The following BBS9 variants were observed in gnomAD, a reference collection of about 807,000 sequenced individuals.
BBS9 encodes the protein protein PTHB1.
BBS9 carries 89 observed loss-of-function variants against 117.7 expected under a neutral mutation model. The observed-to-expected ratio is 0.76, with a 90% CI of 0.64 to 0.90. The LOEUF is 0.90. Ranked by LOEUF, BBS9 falls within the 40% of genes least tolerant of loss-of-function variation. The pLI, the probability that BBS9 is intolerant of heterozygous loss-of-function variation, is 0.00. For synonymous variants in BBS9, 379 were observed against 370.9 expected, an observed-to-expected ratio of 1.02 and a Z score of -0.25; for missense variants, 982 against 1,042.2, an observed-to-expected ratio of 0.94 and a Z score of 0.80.
intron 19 of BBS9, among the ~76,000 whole-genome samples, chr7:33,393,476 T>C (rs1333056650): frequency 1.3e-5 from 2 of 152,180 alleles, no homozygotes; most frequent in African/African-American, 2.4e-5. Context: ...TGTATTTTTA[T>C]TTTGCTCTGG....
intron 5 of BBS9, among the ~76,000 whole-genome samples, chr7:33,196,211 A>G (rs1391950453): frequency 6.6e-6 from 1 of 152,148 alleles, no homozygotes; most frequent in Admixed American, 6.5e-5. Context: ...AAATTAAAAA[A>G]AAAGCATCCT....
rs182310013 is a variant in BBS9, at chr7:33,511,720, A to T, written c.2298+6075A>T. Among the ~76,000 whole-genome samples, 167 of 152,326 alleles carry T rather than the reference A, an allele frequency of 1.1e-3. 1 individual carries two copies. Among genetic ancestry groups the T allele is most frequent in the Middle Eastern group, 3.4e-3 (1 of 294 alleles). On this transcript the variant is annotated intron_variant, in intron 20 of 22. Coordinates refer to ENST00000242067, the MANE Select transcript of BBS9 (RefSeq NM_198428.3). ...TTATCCCTTTTACAAACTGATATGG[A>T]AAGAGAAACTTATTTATAACATGTT...
intron 19 of BBS9, among the ~76,000 whole-genome samples, chr7:33,504,453 GC>G (rs1300053696): frequency 1.3e-5 from 2 of 152,080 alleles, no homozygotes; most frequent in African/African-American, 4.8e-5. Context: ...TTTTTAAAAA[GC>G]CCTTTGGGCC....
chr7:33,268,425 C>T (rs890478944), intron 7 of BBS9, among the ~76,000 whole-genome samples: 1 of 152,228 alleles, frequency 6.6e-6, no homozygotes, highest in African/African-American at 2.4e-5. Context: ...CTAGGTTCTT[C>T]TTCCCTGCAC....
intron 7 of BBS9, among the ~76,000 whole-genome samples, chr7:33,269,375 G>C (rs548221259): frequency 1.3e-5 from 2 of 152,198 alleles, no homozygotes; most frequent in East Asian, 3.9e-4. Flanking sequence ...ATGCCTGTCA[G>C]GGACCCTGGC....
intron 19 of BBS9, among the ~76,000 whole-genome samples, chr7:33,437,261 C>A (rs1835430866): frequency 6.6e-6 from 1 of 152,184 alleles, no homozygotes; most frequent in South Asian, 2.1e-4. Context: ...TCTTTGGAGT[C>A]AGAGCATGGC....
At chr7:33,537,557 T>G (rs529281450) in intron 21 of BBS9, among the ~76,000 whole-genome samples, 77 of 152,334 alleles carry the variant, frequency 5.1e-4, no homozygotes, top group Middle Eastern at 3.4e-3. Context: ...TCGTTAAATA[T>G]CTATTTTCCA....
chr7:33,490,687 T>C (rs1296221627), intron 19 of BBS9, among the ~76,000 whole-genome samples: 2 of 152,218 alleles, frequency 1.3e-5, no homozygotes, highest in African/African-American at 4.8e-5. Context: ...TTTGAAGAGA[T>C]TGAATAAACA....
intron 21 of BBS9, among the ~76,000 whole-genome samples, chr7:33,584,140 G>C (rs1163192494): frequency 6.6e-6 from 1 of 151,996 alleles, no homozygotes; most frequent in Non-Finnish European, 1.5e-5. Context: ...TTAATGCAGA[G>C]AGAAATGATC....
chr7:33,294,359 GTCCATCCATCCATCCA>G lies in BBS9; in HGVS notation c.1016+20432_1016+20447del, dbSNP rs111245225. Among the ~76,000 whole-genome samples, 607 of 139,808 alleles carry G rather than the reference GTCCATCCATCCATCCA, an allele frequency of 4.3e-3. 3 individuals carry two copies. Among genetic ancestry groups the G allele is most frequent in the Non-Finnish European group, 7.1e-3 (458 of 64,370 alleles). 91.7% of individuals were successfully genotyped at this position (139,808 alleles called of 152,430 possible). ...TATCTATCTATCTATCTATCTCTTT[GTCCATCCATCCATCCA>G]TCCATCCATCCATCCATCCATCCAT... is the stretch of plus-strand genomic sequence containing the variant. On this transcript the variant is annotated intron_variant, in intron 9 of 22. Transcript: ENST00000242067.
At chr7:33,285,158 TATAAA>T (rs1234338996) in intron 9 of BBS9, among the ~76,000 whole-genome samples, 1 of 152,178 alleles carries the variant, frequency 6.6e-6, no homozygotes, top group Non-Finnish European at 1.5e-5. Context: ...AGAGGGTAGT[TATAAA>T]ATATGTTGCT....
At chr7:33,147,471 A>C (rs1192146802) in intron 2 of BBS9, among the ~76,000 whole-genome samples, 1 of 152,138 alleles carries the variant, frequency 6.6e-6, no homozygotes, top group African/African-American at 2.4e-5. Context: ...CAGAGCACCT[A>C]CTAAGTTGTT....
chr7:33,342,415 A>G (rs1345711275), intron 11 of BBS9, among the ~76,000 whole-genome samples: 1 of 152,100 alleles, frequency 6.6e-6, no homozygotes, highest in Non-Finnish European at 1.5e-5. Flanking sequence ...GGCAACTTAT[A>G]TAAGTTTTTC....
intron 11 of BBS9, among the ~76,000 whole-genome samples, chr7:33,344,078 G>GTTTTTTTTTTTTTTTTTTTTTT (rs34530007): frequency 4.4e-5 from 3 of 67,466 alleles, no homozygotes; most frequent in Admixed American, 2.2e-4. Flanking sequence ...TAGGGGATGA[G>GTTTTTTTTTTTTTTTTTTTTTT]TTTTTTTTTT....
At chr7:33,407,555 C>G (rs934286703) in intron 19 of BBS9, among the ~76,000 whole-genome samples, 3 of 152,112 alleles carry the variant, frequency 2.0e-5, no homozygotes, top group African/African-American at 7.2e-5. Context: ...TTTTCCCCAT[C>G]TTTGTGGTTT....
chr7:33,607,880 CTT>C (rs541343507), downstream of BBS9, among the ~76,000 whole-genome samples: 3 of 141,612 alleles, frequency 2.1e-5, no homozygotes, highest in African/African-American at 5.1e-5. Flanking sequence ...TGATAGCTCT[CTT>C]TTTTTTTTTT....
intron 9 of BBS9, among the ~76,000 whole-genome samples, chr7:33,325,089 C>A (rs985217608): frequency 2.0e-5 from 3 of 152,190 alleles, no homozygotes; most frequent in African/African-American, 7.2e-5. Context: ...TCTCTACCTG[C>A]TCTTTAAGGC....
At chr7:33,366,543 C>CTTTTTT (rs70989948) in intron 16 of BBS9, among the ~76,000 whole-genome samples, 158 of 89,680 alleles carry the variant, frequency 1.8e-3, no homozygotes, top group African/African-American at 2.5e-3. Flanking sequence ...TCTTTTCTTT[C>CTTTTTT]TTTTTTTTTT....
chr7:33,556,642 A>G (rs1481539616), intron 21 of BBS9, among the ~76,000 whole-genome samples: 3 of 152,196 alleles, frequency 2.0e-5, no homozygotes, highest in South Asian at 2.1e-4. Context: ...GGGATGACAT[A>G]TGAGCTATTC....
Sources: gnomAD v4.1 joint callset for allele counts (sites outside exome capture counted in the v4.1 genomes callset) on GRCh38, gnomAD v4.1.1 for gene constraint, MANE v1.5 for transcripts, NCBI Gene and HGNC (gene_info 2026-07-23, HGNC 2026-07-21) for gene names.